Variants in AGBL3 observed in about 807,000 individuals in gnomAD.
AGBL3 encodes the protein cytosolic carboxypeptidase 3.
In AGBL3, 68 loss-of-function variants were observed where a neutral mutation model predicts 94.5. That is an observed-to-expected ratio of 0.72 (90% CI 0.59 to 0.88). The LOEUF (loss-of-function observed/expected upper bound fraction) is 0.88, where lower values mean the gene tolerates loss of function less well. Among genes scored for constraint, AGBL3 ranks in the 40% least tolerant of loss-of-function variants. The probability of loss-of-function intolerance (pLI) is 0.00; values close to 1 mark genes in which losing one functional copy is unlikely to be tolerated. For synonymous variants in AGBL3, 354 were observed against 370.7 expected (o/e 0.95, Z 0.52); for missense variants, 934 against 1,103.8 (o/e 0.85, Z 2.18).
chr7:135,091,131 T>C (rs545492825), intron 15 of AGBL3, among the ~76,000 whole-genome samples: 1 of 152,302 alleles, frequency 6.6e-6, no homozygotes, highest in Non-Finnish European at 1.5e-5. Context: ...AAGTTCCTCC[T>C]GATTCCCAGC....
At chr7:135,106,787 G>A (rs1824789638) in intron 15 of AGBL3, among the ~76,000 whole-genome samples, 1 of 152,168 alleles carries the variant, frequency 6.6e-6, no homozygotes, top group African/African-American at 2.4e-5. Flanking sequence ...CAGTAGGAAT[G>A]GTACCAGCTC....
rs114995674 is a variant in AGBL3 at position 135,101,636 on chromosome 7, C to T, written c.2111-13744C>T. On this transcript the variant is annotated intron_variant, in intron 15 of 16. Coordinates refer to ENST00000436302, the MANE Select transcript of AGBL3 (RefSeq NM_178563.4). Reference sequence around the variant, plus strand: ...AGACATGGGGTTTTCAGTTGAAAACCATCTTTTACTTCATCACTCTTTAGA... The same window carrying T: ...AGACATGGGGTTTTCAGTTGAAAACTATCTTTTACTTCATCACTCTTTAGA... 2.1e-3 allele frequency among the ~76,000 whole-genome samples: 317 copies of T among 152,138 alleles called. 1 individual carries two copies. The highest frequency in any genetic ancestry group is 7.0e-3 in the African/African-American group (289 of 41,492).
At position 135,045,513 on chromosome 7, in the gene AGBL3, A is replaced by C; in HGVS notation, c.1667A>C (p.Glu556Ala). The C allele has an allele frequency of 6.4e-7, 1 of 1,551,238 alleles. No homozygotes were observed. The part of the protein sequence containing the change: ...RGTHFSTKDL[E>A]SMGYHFCDSL... ...ACTCATTTCAGCACGAAAGACCTGG[A>C]ATCAATGGGATATCATTTTTGTGAT... Residue 556 changes from glutamate (E) to alanine (A), a missense_variant, in exon 10 of 17, where the codon GAA becomes GCA. By Grantham distance (107) the Glu-to-Ala change is moderately radical. Coordinates refer to ENST00000436302, the MANE Select transcript of AGBL3 (RefSeq NM_178563.4).
At chr7:135,024,021 G>A (rs960664062) in intron 5 of AGBL3, among the ~76,000 whole-genome samples, 1 of 118,426 alleles carries the variant, frequency 8.4e-6, no homozygotes, top group African/African-American at 3.2e-5. Context: ...GCACTTGAGC[G>A]GGAGGAGCCC....
chr7:135,094,756 A>G (rs948930001), intron 15 of AGBL3, among the ~76,000 whole-genome samples: 5 of 152,210 alleles, frequency 3.3e-5, no homozygotes, highest in African/African-American at 9.7e-5. Context: ...CAGAGACCAT[A>G]CCACCCAAGA....
intron 8 of AGBL3, among the ~76,000 whole-genome samples, chr7:135,042,259 G>A (rs1816926818): frequency 6.6e-6 from 1 of 152,070 alleles, no homozygotes; most frequent in South Asian, 2.1e-4. Context: ...GCCAAAAGCT[G>A]CAAACAACCC....
chr7:135,029,181 A>AT (rs536665405), intron 5 of AGBL3, among the ~76,000 whole-genome samples: 1 of 152,302 alleles, frequency 6.6e-6, no homozygotes, highest in South Asian at 2.1e-4. Context: ...CACCAGCCAC[A>AT]TTCACCCCTA....
intron 11 of AGBL3, among the ~76,000 whole-genome samples, chr7:135,047,606 T>G (rs1395226132): frequency 1.3e-5 from 2 of 152,042 alleles, no homozygotes; most frequent in Non-Finnish European, 2.9e-5. Flanking sequence ...TGTTTTAATT[T>G]GCATTTCCCT....
chr7:135,087,818 AT>A (rs1821447790), intron 15 of AGBL3, among the ~76,000 whole-genome samples: 2 of 151,982 alleles, frequency 1.3e-5, no homozygotes, highest in South Asian at 4.1e-4. Flanking sequence ...ATGTTCTTAA[AT>A]GTTTATTAGG....
chr7:135,079,921 A>T (rs1820781032), intron 13 of AGBL3, among the ~76,000 whole-genome samples: 1 of 152,106 alleles, frequency 6.6e-6, no homozygotes. Context: ...TCTCTTTCTC[A>T]TTATAAATAC....
At chr7:135,089,403 T>C (rs1481676234) in intron 15 of AGBL3, among the ~76,000 whole-genome samples, 1 of 152,178 alleles carries the variant, frequency 6.6e-6, no homozygotes, top group Admixed American at 6.5e-5. Flanking sequence ...GGCTCTTTAG[T>C]GGTGTCATAT....
chr7:135,095,112 C>G (rs144276797), intron 15 of AGBL3, among the ~76,000 whole-genome samples: 1 of 152,164 alleles, frequency 6.6e-6, no homozygotes, highest in African/African-American at 2.4e-5. Context: ...TTTACCAGAA[C>G]CTTATCCTAT....
intron 16 of AGBL3, among the ~76,000 whole-genome samples, chr7:135,118,444 T>C (rs892544543): frequency 6.6e-6 from 1 of 152,184 alleles, no homozygotes; most frequent in Non-Finnish European, 1.5e-5. Flanking sequence ...GCCTCCTATC[T>C]CTGGTGTCAA....
intron 4 of AGBL3, chr7:135,011,629 T>G (rs1353424015): frequency 6.6e-6 from 1 of 152,162 alleles, no homozygotes; most frequent in Non-Finnish European, 1.5e-5. Flanking sequence ...AAAAATGATA[T>G]TCACATGGCC....
intron 11 of AGBL3, 90 bp from the exon 12 acceptor site, chr7:135,059,079 C>T: frequency 9.6e-7 from 1 of 1,040,778 alleles, no homozygotes; most frequent in Non-Finnish European, 1.4e-6. Flanking sequence ...TAGAACTTTT[C>T]AACCATTCAA....
At chr7:135,040,394 C>G (rs1584918656) in intron 8 of AGBL3, among the ~76,000 whole-genome samples, 1 of 152,088 alleles carries the variant, frequency 6.6e-6, no homozygotes, top group South Asian at 2.1e-4. Flanking sequence ...CATATTAAAT[C>G]CAGCAATATA....
chr7:134,992,030 G>A (rs1382223378), intron 3 of AGBL3, among the ~76,000 whole-genome samples: 1 of 152,186 alleles, frequency 6.6e-6, no homozygotes, highest in Non-Finnish European at 1.5e-5. Context: ...ATTTTATCTA[G>A]AGTTTAGTTG....
chr7:135,004,673 T>G (rs1176960262), intron 4 of AGBL3, among the ~76,000 whole-genome samples: 14 of 151,606 alleles, frequency 9.2e-5, no homozygotes, highest in Non-Finnish European at 1.5e-5. Context: ...GATTTTAAAA[T>G]TCATTTAATA....
At chr7:135,046,459 A>C (rs950520832) in intron 11 of AGBL3, among the ~76,000 whole-genome samples, 2 of 152,104 alleles carry the variant, frequency 1.3e-5, no homozygotes, top group Non-Finnish European at 2.9e-5. Context: ...ATTCACCCTA[A>C]GAATCCACCT....
Sources: gnomAD v4.1 joint callset for allele counts (sites outside exome capture counted in the v4.1 genomes callset) on GRCh38, gnomAD v4.1.1 for gene constraint, MANE v1.5 for transcripts, NCBI Gene and HGNC (gene_info 2026-07-23, HGNC 2026-07-21) for gene names.